The following TLN2 variants were observed in gnomAD, a reference collection of about 807,000 sequenced individuals.
The protein encoded by TLN2 is talin-2.
TLN2 carries 118 observed loss-of-function variants against 294.7 expected under a neutral mutation model. The ratio of observed to expected loss-of-function variants is 0.40; its 90% CI spans 0.34 to 0.47. The LOEUF (loss-of-function observed/expected upper bound fraction) is 0.47, where lower values mean the gene tolerates loss of function less well. Ranked by LOEUF, TLN2 falls within the 20% of genes least tolerant of loss-of-function variation. TLN2 has a pLI of 0.84. For missense variants in TLN2, 3,083 were observed against 3,282.2 expected (o/e 0.94, Z 1.48); for synonymous variants, 1,431 against 1,304.5 (o/e 1.10, Z -2.09).
At chr15:62,670,746 T>C (rs2055302128) in intron 9 of TLN2, among the ~76,000 whole-genome samples, 1 of 152,248 alleles carries the variant, frequency 6.6e-6, no homozygotes, top group African/African-American at 2.4e-5. Context: ...TTGGCTATCA[T>C]TAATAATGCT....
intron 32 of TLN2, among the ~76,000 whole-genome samples, chr15:62,741,525 G>T (rs935381021): frequency 1.4e-4 from 21 of 152,270 alleles, no homozygotes; most frequent in Non-Finnish European, 2.9e-5. Flanking sequence ...AACCCAGAGA[G>T]TAGGGTGGTC....
rs976853048 is a variant in TLN2 at position 62,843,047 on chromosome 15, C to G, written c.*2437C>G. The stretch of plus-strand genomic sequence containing the variant: ...GTACTGAGGGGGCCTTCTGGTCCTT[C>G]AAAGGAAAATAACACAGGCATGAGT... On this transcript the variant is annotated 3_prime_UTR_variant, in exon 59 of 59. Coordinates refer to ENST00000636159, the MANE Select transcript of TLN2 (RefSeq NM_015059.3). 6.6e-6 allele frequency: 1 copy of G among 152,044 alleles called. No individual in the cohort carries two copies. The highest frequency in any genetic ancestry group is 1.9e-4 in the East Asian group (1 of 5,162). The allele number at this position is 152,044 out of a possible 1,614,324, so 9.4% of individuals were successfully genotyped here. A position where few individuals can be genotyped will look rare whatever the true frequency, so the allele number is the denominator to read the frequency against.
chr15:62,607,213 T>C (rs2047527461), intron 2 of TLN2, among the ~76,000 whole-genome samples: 1 of 152,128 alleles, frequency 6.6e-6, no homozygotes, highest in Non-Finnish European at 1.5e-5. Flanking sequence ...GGGGAAAAGA[T>C]CTCTCTTCAT....
rs760922979 is a variant in TLN2 at position 62,833,527 on chromosome 15, T to C, written c.7026T>C (p.Phe2342=). ...KPKQADETLD[F]EEQILEAAKS... is the part of the protein sequence containing the mutation. ...AGCAAGCGGATGAGACCCTGGACTT[T>C]GAGGAACAGATCTTGGAAGCTGCTA... The change falls in exon 55 of 59, where the codon TTT becomes TTC. Residue 2342 remains phenylalanine, a synonymous_variant. Transcript: ENST00000636159. 5 of 1,614,166 alleles carry C rather than the reference T, an allele frequency of 3.1e-6. No individual in the cohort carries two copies. The East Asian group carries it at 6.7e-5, about 22-fold the overall frequency.
intron 1 of TLN2, among the ~76,000 whole-genome samples, chr15:62,505,627 C>T (rs557809547): frequency 6.6e-6 from 1 of 152,270 alleles, no homozygotes; most frequent in African/African-American, 2.4e-5. Flanking sequence ...AGAACTACAA[C>T]GTTGGCTCTG....
chr15:62,745,444 TG>T (rs550529673), intron 32 of TLN2, among the ~76,000 whole-genome samples: 1 of 152,216 alleles, frequency 6.6e-6, no homozygotes, highest in Non-Finnish European at 1.5e-5. Flanking sequence ...TAATTTCTAA[TG>T]GGGGGTAGAT....
intron 3 of TLN2, among the ~76,000 whole-genome samples, chr15:62,633,493 C>T (rs1186988627): frequency 6.6e-6 from 1 of 152,126 alleles, no homozygotes; most frequent in African/African-American, 2.4e-5. Context: ...TGTGTAGAGA[C>T]AGAGTCTTGC....
chr15:62,799,831 G>C (rs771312572), intron 48 of TLN2, among the ~76,000 whole-genome samples: 2 of 152,220 alleles, frequency 1.3e-5, no homozygotes, highest in African/African-American at 2.4e-5. Flanking sequence ...CCCAAGTGAT[G>C]GAAAGAGCTG....
At chr15:62,493,168 C>T (rs2038839960) in intron 1 of TLN2, among the ~76,000 whole-genome samples, 1 of 152,194 alleles carries the variant, frequency 6.6e-6, no homozygotes, top group Non-Finnish European at 1.5e-5. Context: ...CTGCCAGCTG[C>T]TTCACTGGAA....
intron 3 of TLN2, among the ~76,000 whole-genome samples, chr15:62,629,587 C>T (rs1273487324): frequency 6.6e-6 from 1 of 152,108 alleles, no homozygotes; most frequent in Non-Finnish European, 1.5e-5. Context: ...CAAAGTTGTC[C>T]TGACATTCCA....
intron 3 of TLN2, chr15:62,644,409 C>A: frequency 2.3e-6 from 1 of 439,988 alleles, no homozygotes; most frequent in Admixed American, 2.4e-5. Context: ...ACTGCTCTCC[C>A]TCACTCCCTA....
At chr15:62,817,814 CTTTTT>C (rs1179496167) in intron 52 of TLN2, among the ~76,000 whole-genome samples, 2 of 115,718 alleles carry the variant, frequency 1.7e-5, no homozygotes, top group Non-Finnish European at 3.5e-5. Context: ...TCCATTCTAT[CTTTTT>C]TTTTTTTTTT....
At chr15:62,638,682 C>T (rs372965659) in intron 3 of TLN2, 1 of 454,260 alleles carries the variant, frequency 2.2e-6, no homozygotes, top group Non-Finnish European at 4.4e-6. Flanking sequence ...GTTGTGGGCA[C>T]TCTCTTTGGT....
intron 42 of TLN2, among the ~76,000 whole-genome samples, chr15:62,774,863 C>G (rs756558742): frequency 1.1e-4 from 17 of 151,986 alleles, no homozygotes; most frequent in Non-Finnish European, 1.8e-4. Flanking sequence ...CTTCCTGAGC[C>G]TGCATGAGAG....
chr15:62,659,162 G>A (rs1202734520), intron 9 of TLN2, among the ~76,000 whole-genome samples: 1 of 152,142 alleles, frequency 6.6e-6, no homozygotes. Context: ...TAGCCCAGGG[G>A]CAACTAGTTC....
intron 43 of TLN2, among the ~76,000 whole-genome samples, chr15:62,780,027 G>C (rs920501886): frequency 4.6e-5 from 7 of 152,188 alleles, no homozygotes; most frequent in Non-Finnish European, 7.3e-5. Context: ...GCACAGAGCT[G>C]CCAGGGAAAT....
intron 19 of TLN2, among the ~76,000 whole-genome samples, chr15:62,704,528 A>T (rs1241056743): frequency 1.3e-5 from 2 of 152,188 alleles, no homozygotes; most frequent in Non-Finnish European, 2.9e-5. Context: ...TCATCCATAG[A>T]TGTGTTTGTT....
intron 3 of TLN2, among the ~76,000 whole-genome samples, chr15:62,624,629 G>A (rs908506228): frequency 2.4e-4 from 3 of 12,450 alleles, no homozygotes; most frequent in African/African-American, 3.7e-4. Context: ...GTTTTCCTCT[G>A]CTTGTCAGGT....
At position 62,655,978 on chromosome 15, in the gene TLN2, A is replaced by C. The variant is rs754767981; in HGVS notation, c.552A>C (p.Glu184Asp). The change falls in exon 8 of 59, where the codon GAA becomes GAC. Residue 184 changes from glutamate to aspartate, a missense_variant. Coordinates refer to ENST00000636159, the MANE Select transcript of TLN2 (RefSeq NM_015059.3). ...TGGATCACAGCCGAACATTCAGAGA[A>C]CAAGGAGTAGATGAAAACGAAACGT... The part of the protein sequence containing the change: ...NWLDHSRTFR[E>D]QGVDENETLL... The C allele has an allele frequency of 1.4e-5, 22 of 1,614,102 alleles. No homozygotes were observed. The highest frequency in any genetic ancestry group is 1.7e-5 in the Non-Finnish European group (20 of 1,180,036).
Sources: allele counts gnomAD v4.1 joint callset (sites outside exome capture counted in the v4.1 genomes callset), GRCh38; gene constraint gnomAD v4.1.1; transcripts MANE v1.5; gene names NCBI Gene and HGNC (gene_info 2026-07-23, HGNC 2026-07-21).